The following DLST variants were observed in gnomAD, a reference collection of about 807,000 sequenced individuals.
The protein encoded by DLST is dihydrolipoamide S-succinyltransferase.
A neutral mutation model predicts 53.1 loss-of-function variants in DLST; 17 were observed. The observed-to-expected ratio is 0.32, with a 90% CI of 0.22 to 0.48. DLST has a LOEUF of 0.48. Ranked by LOEUF, DLST falls within the 20% of genes least tolerant of loss-of-function variation. The pLI is 0.99. For missense variants in DLST, 512 were observed against 583.9 expected (o/e 0.88, Z 1.27); for synonymous variants, 206 against 204.8 (o/e 1.01, Z -0.05).
rs369590786 is a variant in DLST, at chr14:74,899,221, G to A, written c.902-702G>A. On this transcript the variant is annotated intron_variant, in intron 11 of 14. Transcript: ENST00000334220. ...TTTCCCATTCTTCTCATGCCTCCCT[G>A]ACTGGCTCTCATCTTTTTCAGTGGC... is the stretch of plus-strand genomic sequence containing the variant. 9.2e-5 allele frequency among the ~76,000 whole-genome samples: 14 copies of A among 151,892 alleles called. No individual in the cohort carries two copies. In the East Asian group the frequency reaches 9.7e-4, roughly 11 times the overall value.
At position 74,902,675 on chromosome 14, in the gene DLST, C is replaced by G. The variant is rs991113150; in HGVS notation, c.*345C>G. On this transcript the variant is annotated 3_prime_UTR_variant, in exon 15 of 15. Transcript: ENST00000334220. ...GTGCTGGTATACTATAGAGAAACCC[C>G]TGGGGACCATGTGATTAAGTTCCTA... 8.9e-5 allele frequency: 16 copies of G among 179,432 alleles called. No homozygotes were observed. Among genetic ancestry groups the G allele is most frequent in the Non-Finnish European group, 1.3e-4 (11 of 85,810 alleles). The allele number at this position is 179,432 out of a possible 1,614,324, so 11.1% of individuals were successfully genotyped here.
At chr14:74,889,760 GC>G in intron 5 of DLST, 136 bp from the exon 6 acceptor site, 1 of 760,118 alleles carries the variant, frequency 1.3e-6, no homozygotes, top group African/African-American at 1.8e-5. Context: ...TTATAGCTCT[GC>G]CGTTTTCTTT....
chr14:74,882,879 G>A (rs1405252013), intron 2 of DLST, among the ~76,000 whole-genome samples: 2 of 152,224 alleles, frequency 1.3e-5, no homozygotes, highest in East Asian at 3.8e-4. Flanking sequence ...TTGCCCTCGT[G>A]GAGCTCCTAG....
intron 3 of DLST, among the ~76,000 whole-genome samples, chr14:74,887,597 TAAAAATTC>T (rs145078325): frequency 0.013 from 1,950 of 152,320 alleles, 43 homozygotes; most frequent in African/African-American, 0.044. Context: ...TTTACATGAT[TAAAAATTC>T]AAAAAGTAAA....
At chr14:74,895,645 A>T (rs1884053708) in intron 10 of DLST, among the ~76,000 whole-genome samples, 1 of 152,142 alleles carries the variant, frequency 6.6e-6, no homozygotes, top group East Asian at 1.9e-4. Flanking sequence ...TGCGCTTGTA[A>T]TCGCAACACT....
At chr14:74,883,017 G>A (rs1883582593) in intron 2 of DLST, among the ~76,000 whole-genome samples, 1 of 152,220 alleles carries the variant, frequency 6.6e-6, no homozygotes, top group African/African-American at 2.4e-5. Flanking sequence ...GGCCATGGCC[G>A]GGCGCGGTGG....
Position 74,881,990 on chromosome 14 carries a change from A to G in DLST, c.37A>G (p.Ser13Gly), listed in dbSNP as rs778158079. Residue 13 changes from serine (S) to glycine (G), a missense_variant, in exon 1 of 15, where the codon AGC (serine) becomes GGC (glycine). Coordinates refer to ENST00000334220, the MANE Select transcript of DLST (RefSeq NM_001933.5). Reference sequence around the variant, plus strand: ...ATCCCGCTGTGTGTCTCGGGCGTTCAGCCGCTCGCTCTCCGCCTTCCAGAA... The same window carrying G: ...ATCCCGCTGTGTGTCTCGGGCGTTCGGCCGCTCGCTCTCCGCCTTCCAGAA... ...SRSRCVSRAF[S>G]RSLSAFQKGN... 1.4e-5 allele frequency: 22 copies of G among 1,572,606 alleles called. No homozygotes were observed. The South Asian group carries it at 2.1e-4, about 15-fold the overall frequency.
intron 7 of DLST, 23 bp from the exon 8 acceptor site, chr14:74,892,811 C>G: frequency 1.9e-6 from 3 of 1,593,062 alleles, no homozygotes; most frequent in Non-Finnish European, 2.6e-6. Context: ...GTGCCAGTGG[C>G]ATATACTTTT....
rs530270441 is a variant in DLST at position 74,901,923 on chromosome 14, G to A, written c.1228-273G>A. ...CAGAACTGAAGGGAAAACTTTCCTT[G>A]TAGGCAGCAGATGCGTTAGAGGGCA... On this transcript the variant is annotated intron_variant, in intron 14 of 14. Transcript: ENST00000334220. Among the ~76,000 whole-genome samples, 29 of 151,580 alleles carry A rather than the reference G, an allele frequency of 1.9e-4. No individual in the cohort carries two copies. In the East Asian group the frequency reaches 4.5e-3, roughly 23 times the overall value.
In DLST at chr14:74,902,534, A is replaced by G. The variant is rs1047666945; in HGVS notation, c.*204A>G. 8.6e-5 allele frequency: 41 copies of G among 477,626 alleles called. No homozygotes were observed. The East Asian group carries it at 1.3e-3, about 15-fold the overall frequency. 29.6% of individuals were successfully genotyped at this position (477,626 alleles called of 1,614,324 possible). On this transcript the variant is annotated 3_prime_UTR_variant, in exon 15 of 15. Coordinates refer to ENST00000334220, the MANE Select transcript of DLST (RefSeq NM_001933.5). ...GGCTCTCCCTCTCTGCACCTGTCTCATAGCCTCGAATATCTTAATTCCTTA... is the reference window on the plus strand; with the variant it reads ...GGCTCTCCCTCTCTGCACCTGTCTCGTAGCCTCGAATATCTTAATTCCTTA...
intron 2 of DLST, among the ~76,000 whole-genome samples, chr14:74,883,664 A>AATC (rs1458989101): frequency 6.6e-6 from 1 of 152,156 alleles, no homozygotes; most frequent in African/African-American, 2.4e-5. Flanking sequence ...TTTTTTAGTT[A>AATC]ATCATCTCAA....
intron 1 of DLST, among the ~76,000 whole-genome samples, 180 bp downstream of exon 1, chr14:74,882,196 G>A (rs1883543865): frequency 6.6e-6 from 1 of 152,170 alleles, no homozygotes; most frequent in Non-Finnish European, 1.5e-5. Context: ...GTTTTGCGGA[G>A]CCCAGCGGCC....
chr14:74,891,925 C>G, intron 7 of DLST: 1 of 920,446 alleles, frequency 1.1e-6, no homozygotes, highest in Non-Finnish European at 1.3e-6. Context: ...CCTCCTGTTG[C>G]AGAAGTTTGT....
At chr14:74,898,821 C>T (rs1884153771) in intron 11 of DLST, among the ~76,000 whole-genome samples, 1 of 151,674 alleles carries the variant, frequency 6.6e-6, no homozygotes, top group Non-Finnish European at 1.5e-5. Context: ...TCCTCCCCTC[C>T]CCCAGCTCCA....
At chr14:74,883,176 TC>T (rs1883589173) in intron 2 of DLST, among the ~76,000 whole-genome samples, 1 of 151,526 alleles carries the variant, frequency 6.6e-6, no homozygotes, top group Non-Finnish European at 1.5e-5. Flanking sequence ...GCGCCTGTAG[TC>T]CCAGCTCCTC....
intron 7 of DLST, chr14:74,891,518 C>T (rs1883907079): frequency 2.0e-6 from 2 of 996,828 alleles, no homozygotes; most frequent in Admixed American, 5.7e-5. Context: ...TGAAATGCTT[C>T]AAAACTTTTT....
Position 74,885,630 on chromosome 14 carries a change from G to T in DLST, c.142G>T (p.Val48Phe). ...ACCAGGTTACCCTAACAGCAGGAAG[G>T]TTGTGTAAGTATCACTGGGGAGTAC... ...QGPGYPNSRKVVINNSVFSVR... is the reference protein window; with the variant it reads ...QGPGYPNSRKFVINNSVFSVR... The change falls in exon 3 of 15, where the codon GTT (valine) becomes TTT (phenylalanine). Residue 48 changes from valine (V) to phenylalanine (F), a missense_variant. Transcript: ENST00000334220. 1 of 1,613,100 alleles carries T rather than the reference G, an allele frequency of 6.2e-7. No homozygotes were observed. The highest frequency in any genetic ancestry group is 1.1e-5 in the South Asian group (1 of 90,952).
chr14:74,891,152 C>T lies in DLST; in HGVS notation c.427C>T (p.Leu143Phe). Residue 143 changes from leucine (L) to phenylalanine (F), a missense_variant, in exon 7 of 15, where the codon CTC (leucine) becomes TTC (phenylalanine). Leu to Phe is a conservative substitution (Grantham distance 22). This residue lies in a region of DLST where 162 missense variants were observed against 162.0 expected (regional missense o/e 1.00). Transcript: ENST00000334220. ...KVEGGTPLFT[L>F]RKTGAAPAKA... is the part of the protein sequence containing the mutation. ...CGAAGGAGGCACTCCACTTTTCACA[C>T]TCAGGAAAACTGGTGGTAAAGAAGT... The T allele has an allele frequency of 6.2e-7, 1 of 1,614,144 alleles. No individual in the cohort carries two copies. The highest frequency in any genetic ancestry group is 2.2e-5 in the East Asian group (1 of 44,880).
rs888194910 is a variant in DLST, at chr14:74,903,468, C to T, written c.*1138C>T. 5.9e-5 allele frequency: 9 copies of T among 152,150 alleles called. No homozygotes were observed. Among genetic ancestry groups the T allele is most frequent in the Non-Finnish European group, 1.0e-4 (7 of 68,056 alleles). The allele number at this position is 152,150 out of a possible 1,614,324, so 9.4% of individuals were successfully genotyped here. A position where few individuals can be genotyped will look rare whatever the true frequency, so the allele number is the denominator to read the frequency against. On this transcript the variant is annotated 3_prime_UTR_variant, in exon 15 of 15. Coordinates refer to ENST00000334220, the MANE Select transcript of DLST (RefSeq NM_001933.5). The stretch of plus-strand genomic sequence containing the variant: ...TGTTGCCCGTGGATCTGGGCACAAT[C>T]ATTGGAATTCCTTGGAGCCACTGGG...
Sources: allele counts gnomAD v4.1 joint callset (sites outside exome capture counted in the v4.1 genomes callset), GRCh38; gene constraint gnomAD v4.1.1; regional missense constraint gnomAD v4.1.1; transcripts MANE v1.5; gene names NCBI Gene and HGNC (gene_info 2026-07-23, HGNC 2026-07-21).